ASIP: variants seen among roughly 807,000 people sequenced by gnomAD.
The protein encoded by ASIP is agouti signaling protein, also known as agouti-signaling protein.
Under a neutral mutation model 10.3 loss-of-function variants are expected in ASIP, and 11 were observed. The observed-to-expected ratio is 1.07, with a 90% CI of 0.68 to 1.78. The LOEUF (loss-of-function observed/expected upper bound fraction) is 1.78, where lower values mean the gene tolerates loss of function less well. ASIP is among the 40% of genes most tolerant of loss of function. ASIP has a pLI of 0.00. For synonymous variants in ASIP, 70 were observed against 70.8 expected (o/e 0.99, Z 0.06); for missense variants, 180 against 169.2 (o/e 1.06, Z -0.35).
intron 1 of ASIP, chr20:34,213,578 G>A: frequency 6.4e-7 from 1 of 1,550,848 alleles, no homozygotes; most frequent in South Asian, 1.2e-5. Context: ...ATGAACATCT[G>A]TTGTAAAAAC....
intron 1 of ASIP, among the ~76,000 whole-genome samples, chr20:34,211,920 C>T (rs981528279): frequency 3.3e-5 from 5 of 152,002 alleles, no homozygotes; most frequent in Admixed American, 1.3e-4. Flanking sequence ...GAATCTGTAA[C>T]CAGATAAAGA....
At chr20:34,214,892 T>C (rs1285022830) in intron 1 of ASIP, 4 of 1,580,852 alleles carry the variant, frequency 2.5e-6, no homozygotes, top group Non-Finnish European at 3.5e-6. Flanking sequence ...TTTGTTTCAA[T>C]AGCTTGTAGT....
At chr20:34,196,916 G>A (rs763382904) in intron 1 of ASIP, among the ~76,000 whole-genome samples, 4 of 151,846 alleles carry the variant, frequency 2.6e-5, no homozygotes, top group Admixed American at 6.6e-5. Context: ...CCAAACTTGT[G>A]CTTATGGATT....
upstream of ASIP, among the ~76,000 whole-genome samples, chr20:34,240,065 G>C (rs2035264273): frequency 1.3e-5 from 2 of 152,208 alleles, no homozygotes. Flanking sequence ...GGAACAGAAA[G>C]AAGGTTGGGA....
At chr20:34,222,095 G>A (rs147502257) in intron 1 of ASIP, among the ~76,000 whole-genome samples, 82 of 152,280 alleles carry the variant, frequency 5.4e-4, no homozygotes, top group African/African-American at 1.9e-3. Context: ...GGGCAACAGA[G>A]TGAGACCCTA....
At chr20:34,267,613 C>A (rs1327235008) in intron 3 of ASIP, among the ~76,000 whole-genome samples, 1 of 151,948 alleles carries the variant, frequency 6.6e-6, no homozygotes, top group Non-Finnish European at 1.5e-5. Flanking sequence ...CTCACAGCAA[C>A]CTCCACCTCC....
chr20:34,221,117 G>A (rs1020195015), intron 1 of ASIP, among the ~76,000 whole-genome samples: 5 of 152,020 alleles, frequency 3.3e-5, no homozygotes, highest in Admixed American at 1.3e-4. Flanking sequence ...GATGGCTCAC[G>A]CCTGTAATCC....
chr20:34,267,693 G>C (rs762498802), intron 3 of ASIP, among the ~76,000 whole-genome samples: 1 of 151,824 alleles, frequency 6.6e-6, no homozygotes, highest in Non-Finnish European at 1.5e-5. Context: ...CACCATGCTG[G>C]GCTAATTTTT....
intron 1 of ASIP, among the ~76,000 whole-genome samples, chr20:34,221,827 A>G (rs1364061837): frequency 6.6e-6 from 1 of 152,160 alleles, no homozygotes; most frequent in Admixed American, 6.5e-5. Context: ...TGAAGAGATT[A>G]GGCCAGCCAC....
Position 34,230,752 on chromosome 20 carries a change from G to A in ASIP, c.-10-29613G>A, listed in dbSNP as rs1422932914. On this transcript the variant is annotated intron_variant, in intron 1 of 3. Transcript: ENST00000568305. Reference sequence around the variant, plus strand: ...CCCCCACCTCCCTCCCGGATGGGGCGGCTGGCCTGGCCGGGGCTGACCCCC... The same window carrying A: ...CCCCCACCTCCCTCCCGGATGGGGCAGCTGGCCTGGCCGGGGCTGACCCCC... 2.0e-4 allele frequency among the ~76,000 whole-genome samples: 9 copies of A among 45,216 alleles called. 1 individual carries two copies. Among genetic ancestry groups the A allele is most frequent in the Non-Finnish European group, 3.4e-4 (9 of 26,220 alleles). 29.7% of individuals were successfully genotyped at this position (45,216 alleles called of 152,430 possible). A position where few individuals can be genotyped will look rare whatever the true frequency, so the allele number is the denominator to read the frequency against.
At chr20:34,244,786 C>T (rs566127574) in intron 1 of ASIP, among the ~76,000 whole-genome samples, 5 of 152,232 alleles carry the variant, frequency 3.3e-5, no homozygotes, top group South Asian at 2.1e-4. Flanking sequence ...CAGAATAGCT[C>T]GAACAACTCC....
intron 3 of ASIP, 127 bp from the exon 4 acceptor site, chr20:34,268,864 G>GC: frequency 8.3e-7 from 1 of 1,198,810 alleles, no homozygotes; most frequent in Non-Finnish European, 1.2e-6. Flanking sequence ...CGGGCGGTGG[G>GC]CGGTGGGCAA....
chr20:34,258,691 AC>A (rs2035621347), intron 1 of ASIP, among the ~76,000 whole-genome samples: 1 of 44,562 alleles, frequency 2.2e-5, no homozygotes, highest in South Asian at 6.1e-4. Context: ...ATATATATAT[AC>A]ATACTATATA....
chr20:34,245,150 A>G (rs1309130332), intron 1 of ASIP, among the ~76,000 whole-genome samples: 3 of 151,844 alleles, frequency 2.0e-5, no homozygotes, highest in East Asian at 3.9e-4. Flanking sequence ...CCTGGCAAAC[A>G]TGATGAAACC....
chr20:34,206,988 C>T (rs375388156), intron 1 of ASIP, among the ~76,000 whole-genome samples: 2 of 152,236 alleles, frequency 1.3e-5, no homozygotes, highest in South Asian at 4.1e-4. Flanking sequence ...TTTTTTGATA[C>T]ACTGAATTCC....
At chr20:34,223,241 GC>G (rs1447529651) in intron 1 of ASIP, among the ~76,000 whole-genome samples, 2 of 151,044 alleles carry the variant, frequency 1.3e-5, no homozygotes, top group Admixed American at 1.3e-4. Flanking sequence ...CTGCCCGGCC[GC>G]CCATCGTCTG....
rs768075001 is a variant in ASIP at position 34,245,058 on chromosome 20, G to A, written c.-11+3569G>A. 7.9e-5 allele frequency among the ~76,000 whole-genome samples: 12 copies of A among 152,170 alleles called. No individual in the cohort carries two copies. In the South Asian group the frequency reaches 1.2e-3, roughly 16 times the overall value. On this transcript the variant is annotated intron_variant, in intron 1 of 3. Coordinates refer to ENST00000374954, the MANE Select transcript of ASIP (RefSeq NM_001672.3). ...AAAAAGACAAAGAGAGAGTCAGGCC[G>A]GGCACAGTGGCTCATGCCTGTAATC...
At chr20:34,236,637 G>T (rs1161297658), upstream of ASIP, among the ~76,000 whole-genome samples, 1 of 152,090 alleles carries the variant, frequency 6.6e-6, no homozygotes, top group African/African-American at 2.4e-5. Flanking sequence ...AATTGCCTGA[G>T]CCCAGGAGTT....
At chr20:34,196,228 G>A (rs2034856022) in intron 1 of ASIP, among the ~76,000 whole-genome samples, 1 of 135,238 alleles carries the variant, frequency 7.4e-6, no homozygotes, top group Non-Finnish European at 1.5e-5. Context: ...CGCCCAGGCT[G>A]GAGTGCAGTG....
Sources: gnomAD v4.1 joint callset for allele counts (sites outside exome capture counted in the v4.1 genomes callset) on GRCh38, gnomAD v4.1.1 for gene constraint, MANE v1.5 for transcripts, NCBI Gene and HGNC (gene_info 2026-07-23, HGNC 2026-07-21) for gene names.